PLXDC2: variants seen among roughly 807,000 people sequenced by gnomAD.
The protein encoded by PLXDC2 is plexin domain-containing protein 2.
PLXDC2 carries 40 observed loss-of-function variants against 68.9 expected under a neutral mutation model. That is an observed-to-expected ratio of 0.58 (90% CI 0.45 to 0.76). PLXDC2 has a LOEUF of 0.76. Among genes scored for constraint, PLXDC2 ranks in the 30% least tolerant of loss-of-function variants. The pLI is 0.00. For synonymous variants in PLXDC2, 243 were observed against 234.2 expected (o/e 1.04, Z -0.34); for missense variants, 644 against 661.9 (o/e 0.97, Z 0.30).
intron 1 of PLXDC2, among the ~76,000 whole-genome samples, chr10:19,851,323 T>C (rs1172749427): frequency 6.6e-6 from 1 of 152,174 alleles, no homozygotes; most frequent in Non-Finnish European, 1.5e-5. Flanking sequence ...CTTAAAATAT[T>C]TAGGGTTTTT....
At chr10:20,256,342 A>T (rs529849552) in intron 13 of PLXDC2, among the ~76,000 whole-genome samples, 44 of 151,676 alleles carry the variant, frequency 2.9e-4, no homozygotes, top group African/African-American at 9.9e-4. Context: ...CATGTTGGCC[A>T]GGCTAGTCTC....
intron 2 of PLXDC2, among the ~76,000 whole-genome samples, chr10:20,004,017 G>A (rs1370254385): frequency 6.6e-6 from 1 of 152,086 alleles, no homozygotes; most frequent in African/African-American, 2.4e-5. Flanking sequence ...ACAGGCTTAT[G>A]ATTTTTAAGA....
intron 1 of PLXDC2, among the ~76,000 whole-genome samples, chr10:19,925,913 G>T (rs1833531344): frequency 1.3e-5 from 2 of 152,198 alleles, no homozygotes; most frequent in South Asian, 4.1e-4. Flanking sequence ...TTGTACCGGG[G>T]TTGATCGTCT....
rs889373434 is a variant in PLXDC2, at chr10:20,001,946, T to G, written c.284T>G (p.Leu95Arg). Reference protein sequence around the residue: ...DSPEPRSFTDLLLDDGQDNNT... With the variant: ...DSPEPRSFTDRLLDDGQDNNT... ...CCTGAGCCCAGAAGCTTCACAGACC[T>G]GCTGCTGGATGATGGGCAGGACAAT... is the stretch of plus-strand genomic sequence containing the variant. Residue 95 changes from leucine (L) to arginine (R), a missense_variant, in exon 2 of 14, where the codon CTG becomes CGG. Around this residue, in one of 3 missense-constraint regions of PLXDC2, gnomAD observed 201 missense variants for 166.9 expected, o/e 1.20. Coordinates refer to ENST00000377252, the MANE Select transcript of PLXDC2 (RefSeq NM_032812.9). 29 of 1,612,746 alleles carry G rather than the reference T, an allele frequency of 1.8e-5. No individual in the cohort carries two copies. The highest frequency in any genetic ancestry group is 2.5e-5 in the Non-Finnish European group (29 of 1,179,938).
intron 4 of PLXDC2, among the ~76,000 whole-genome samples, chr10:20,104,596 C>T (rs947653310): frequency 6.6e-6 from 1 of 152,118 alleles, no homozygotes; most frequent in African/African-American, 2.4e-5. Context: ...GTATCCATTG[C>T]TGTTAATGTA....
At chr10:20,021,919 G>A (rs1028287662) in intron 2 of PLXDC2, among the ~76,000 whole-genome samples, 1 of 151,956 alleles carries the variant, frequency 6.6e-6, no homozygotes, top group Non-Finnish European at 1.5e-5. Flanking sequence ...GGCTGGTCTC[G>A]AACTCCTGAC....
intron 2 of PLXDC2, among the ~76,000 whole-genome samples, chr10:20,044,215 TTCTTTC>T (rs1835744797): frequency 1.5e-4 from 1 of 6,776 alleles, no homozygotes. Context: ...CTCTCTGTCT[TTCTTTC>T]TTTCTTTCTT....
intron 9 of PLXDC2, among the ~76,000 whole-genome samples, chr10:20,197,931 T>A (rs1725434902): frequency 6.6e-6 from 1 of 152,204 alleles, no homozygotes; most frequent in African/African-American, 2.4e-5. Flanking sequence ...ATTTTCCTAA[T>A]AATATTGGAA....
At chr10:20,134,063 T>C (rs1833902727) in intron 4 of PLXDC2, among the ~76,000 whole-genome samples, 2 of 152,204 alleles carry the variant, frequency 1.3e-5, no homozygotes, top group African/African-American at 2.4e-5. Flanking sequence ...TGGTTCTTTT[T>C]TTCATAGTTT....
intron 1 of PLXDC2, among the ~76,000 whole-genome samples, chr10:19,929,354 A>G (rs1004314852): frequency 9.9e-5 from 15 of 152,116 alleles, no homozygotes; most frequent in African/African-American, 3.4e-4. Flanking sequence ...TATCTTGGAG[A>G]GTCAGCCTAA....
chr10:19,876,617 AAAAAAAAAGAG>A (rs994969508), intron 1 of PLXDC2, among the ~76,000 whole-genome samples: 2 of 150,932 alleles, frequency 1.3e-5, no homozygotes, highest in Admixed American at 6.6e-5. Context: ...AAAAAAAAAA[AAAAAAAAAGAG>A]AGAGAGAGAG....
At chr10:19,913,990 A>T (rs1833321676) in intron 1 of PLXDC2, among the ~76,000 whole-genome samples, 1 of 151,882 alleles carries the variant, frequency 6.6e-6, no homozygotes, top group Non-Finnish European at 1.5e-5. Flanking sequence ...AAAGGAAAAG[A>T]TAAGATCCTC....
At chr10:19,852,425 C>CAAAAAAAAAAAAAAAAAAAAAAAAAA (rs61430454) in intron 1 of PLXDC2, among the ~76,000 whole-genome samples, 1 of 61,938 alleles carries the variant, frequency 1.6e-5, no homozygotes, top group Non-Finnish European at 2.9e-5. Context: ...GACCCTGTCT[C>CAAAAAAAAAAAAAAAAAAAAAAAAAA]AAAAAAAAAA....
chr10:20,006,534 A>G (rs1835031313), intron 2 of PLXDC2, among the ~76,000 whole-genome samples: 1 of 151,812 alleles, frequency 6.6e-6, no homozygotes, highest in Non-Finnish European at 1.5e-5. Flanking sequence ...TGTTCTCCTC[A>G]TTTTTTTTCA....
intron 1 of PLXDC2, among the ~76,000 whole-genome samples, chr10:19,895,080 T>C (rs957963900): frequency 1.3e-5 from 2 of 152,158 alleles, no homozygotes; most frequent in East Asian, 1.9e-4. Flanking sequence ...ATATACAACA[T>C]GGAATACTAT....
At chr10:20,231,520 T>G (rs1835363587) in intron 12 of PLXDC2, among the ~76,000 whole-genome samples, 1 of 151,608 alleles carries the variant, frequency 6.6e-6, no homozygotes, top group Non-Finnish European at 1.5e-5. Context: ...CAATTAAGAT[T>G]ATCTCAAAAT....
intron 6 of PLXDC2, among the ~76,000 whole-genome samples, chr10:20,163,823 G>A (rs117284532): frequency 5.2e-3 from 794 of 152,090 alleles, no homozygotes; most frequent in Non-Finnish European, 9.2e-3. Flanking sequence ...AATGTCTATC[G>A]TATTCAGATC....
intron 12 of PLXDC2, among the ~76,000 whole-genome samples, chr10:20,237,735 G>C (rs1442166817): frequency 6.6e-6 from 1 of 152,114 alleles, no homozygotes; most frequent in Non-Finnish European, 1.5e-5. Context: ...AGCACATTTT[G>C]GCATCTTCTG....
At chr10:20,202,009 C>T (rs1047673342) in intron 9 of PLXDC2, among the ~76,000 whole-genome samples, 2 of 152,032 alleles carry the variant, frequency 1.3e-5, no homozygotes, top group Non-Finnish European at 2.9e-5. Flanking sequence ...TAAAACCAGC[C>T]AATGCTATTT....
Sources: allele counts gnomAD v4.1 joint callset (sites outside exome capture counted in the v4.1 genomes callset), GRCh38; gene constraint gnomAD v4.1.1; regional missense constraint gnomAD v4.1.1; transcripts MANE v1.5; gene names NCBI Gene and HGNC (gene_info 2026-07-23, HGNC 2026-07-21).